The following URI1 variants were observed in gnomAD, a reference collection of about 807,000 sequenced individuals.
URI1 encodes the protein URI1 prefoldin like chaperone.
A neutral mutation model predicts 60.2 loss-of-function variants in URI1; 39 were observed. The observed-to-expected ratio is 0.65, with a 90% confidence interval of 0.50 to 0.85. The LOEUF (loss-of-function observed/expected upper bound fraction) is 0.85, where lower values mean the gene tolerates loss of function less well. Among genes scored for constraint, URI1 ranks in the 40% least tolerant of loss-of-function variants. URI1 has a pLI of 0.00. For synonymous variants in URI1, 251 were observed against 236.8 expected (o/e 1.06, Z -0.55); for missense variants, 691 against 665.9 (o/e 1.04, Z -0.42).
At chr19:29,937,820 A>G (rs1490109800), upstream of URI1, 1 of 152,168 alleles carries the variant, frequency 6.6e-6, no homozygotes, top group African/African-American at 2.4e-5. Flanking sequence ...GACAAGGGTC[A>G]TCTTGCCCAC....
intron 4 of URI1, among the ~76,000 whole-genome samples, chr19:29,992,241 T>C (rs551443083): frequency 6.6e-6 from 1 of 152,290 alleles, no homozygotes; most frequent in East Asian, 1.9e-4. Flanking sequence ...AGCTAATCTT[T>C]GTATTTTTTA....
intron 2 of URI1, among the ~76,000 whole-genome samples, chr19:29,977,158 G>A (rs1262313489): frequency 6.6e-6 from 1 of 150,698 alleles, no homozygotes; most frequent in Admixed American, 6.6e-5. Flanking sequence ...TCCTGTTGGA[G>A]CTACTCTTTC....
In URI1 at chr19:29,942,476, A is replaced by G. The variant is rs960332713; in HGVS notation, c.-72A>G. 8 of 1,084,722 alleles carry G rather than the reference A, an allele frequency of 7.4e-6. No homozygotes were observed. The African/African-American group carries it at 1.2e-4, about 16-fold the overall frequency. 67.2% of individuals were successfully genotyped at this position (1,084,722 alleles called of 1,614,324 possible). On this transcript the variant is annotated 5_prime_UTR_variant, in exon 1 of 11. Coordinates refer to ENST00000392271, the MANE Select transcript of URI1 (RefSeq NM_003796.3). ...AGGGCGGGCGCGCGGGCGCTGGGCAACTGCCGGCCGCGCCGCCTGCGCAGG... is the reference window on the plus strand; with the variant it reads ...AGGGCGGGCGCGCGGGCGCTGGGCAGCTGCCGGCCGCGCCGCCTGCGCAGG...
chr19:29,998,888 C>T (rs1375403572), intron 4 of URI1, among the ~76,000 whole-genome samples: 1 of 151,642 alleles, frequency 6.6e-6, no homozygotes, highest in Non-Finnish European at 1.5e-5. Context: ...TGACTCATTT[C>T]TATATTACTG....
intron 1 of URI1, among the ~76,000 whole-genome samples, chr19:29,951,765 C>T (rs926924982): frequency 6.6e-6 from 1 of 152,156 alleles, no homozygotes; most frequent in Non-Finnish European, 1.5e-5. Flanking sequence ...CCAGGCTGGT[C>T]TCGATCTCCT....
chr19:29,974,178 A>G (rs1363439301), intron 2 of URI1, among the ~76,000 whole-genome samples: 1 of 152,156 alleles, frequency 6.6e-6, no homozygotes, highest in Admixed American at 6.5e-5. Flanking sequence ...TGATGATACT[A>G]CTTAACTCAC....
At chr19:29,989,952 G>A (rs1218746800) in intron 4 of URI1, among the ~76,000 whole-genome samples, 1 of 151,736 alleles carries the variant, frequency 6.6e-6, no homozygotes, top group Non-Finnish European at 1.5e-5. Flanking sequence ...ATCTAAGAAC[G>A]CTTTACCTAA....
At chr19:29,995,003 A>T (rs576569614) in intron 4 of URI1, among the ~76,000 whole-genome samples, 9 of 152,074 alleles carry the variant, frequency 5.9e-5, no homozygotes, top group Middle Eastern at 3.4e-3. Context: ...GCTGATCTTG[A>T]ACTCCTGACC....
At chr19:29,931,790 AT>A (rs1364847245) in intron 1 of URI1, among the ~76,000 whole-genome samples, 3 of 151,834 alleles carry the variant, frequency 2.0e-5, no homozygotes, top group Admixed American at 2.0e-4. Context: ...TGTTTTCTCA[AT>A]TTTCTTTTCA....
chr19:29,940,813 C>T (rs1355317294), upstream of URI1, among the ~76,000 whole-genome samples: 6 of 152,006 alleles, frequency 3.9e-5, no homozygotes, highest in South Asian at 4.1e-4. Context: ...AGCCCCTAAA[C>T]GAGGGGAAGT....
At chr19:29,998,326 A>G (rs1232392772) in intron 4 of URI1, among the ~76,000 whole-genome samples, 10 of 151,984 alleles carry the variant, frequency 6.6e-5, no homozygotes, top group Admixed American at 2.0e-4. Flanking sequence ...GGAGGTTTCT[A>G]TATATGTCTA....
chr19:29,986,413 A>ATTTTC lies in URI1; in HGVS notation c.363_364insTTTTC (p.Glu122PhefsTer5), dbSNP rs2055671342. ...CTGTAGGTTTAGTTGAGCACCGGAA[A>ATTTTC]GAACGTAGGTACCCATTTTAAATGA... On this transcript the variant is annotated frameshift_variant, in exon 4 of 11. Coordinates refer to ENST00000392271, the MANE Select transcript of URI1 (RefSeq NM_003796.3). LOFTEE classifies it high-confidence loss of function. The ATTTTC allele has an allele frequency of 1.2e-6, 2 of 1,606,268 alleles. No homozygotes were observed. Among genetic ancestry groups the ATTTTC allele is most frequent in the Admixed American group, 1.8e-5 (1 of 56,930 alleles).
chr19:29,980,310 A>G (rs1340604032), intron 2 of URI1: 1 of 152,110 alleles, frequency 6.6e-6, no homozygotes, highest in African/African-American at 2.4e-5. Flanking sequence ...TGCTCAGTAA[A>G]TGGTGGATTC....
chr19:29,997,656 C>CT (rs1051921229), intron 4 of URI1, among the ~76,000 whole-genome samples: 8 of 150,530 alleles, frequency 5.3e-5, no homozygotes, highest in East Asian at 3.9e-4. Flanking sequence ...TGAAGTATTT[C>CT]TTTTTTTTTG....
intron 4 of URI1, among the ~76,000 whole-genome samples, chr19:30,005,074 A>G (rs138193625): frequency 4.6e-5 from 7 of 152,166 alleles, no homozygotes; most frequent in Non-Finnish European, 7.4e-5. Context: ...TATTTATCCT[A>G]TAGAAACCTG....
At chr19:29,991,767 G>C (rs975055891) in intron 4 of URI1, among the ~76,000 whole-genome samples, 3 of 152,100 alleles carry the variant, frequency 2.0e-5, no homozygotes, top group Admixed American at 2.0e-4. Flanking sequence ...CTCCCTATAA[G>C]TTTAGGGAAC....
intron 4 of URI1, among the ~76,000 whole-genome samples, chr19:30,000,591 T>G (rs567362447): frequency 6.6e-6 from 1 of 152,072 alleles, no homozygotes; most frequent in South Asian, 2.1e-4. Flanking sequence ...GATACATTAT[T>G]CTGTTACCTC....
intron 4 of URI1, among the ~76,000 whole-genome samples, chr19:29,994,329 C>T (rs79990790): frequency 0.031 from 4,705 of 151,940 alleles, 96 homozygotes; most frequent in Non-Finnish European, 0.046. Context: ...CCCTTCCCCT[C>T]ATTCACATGG....
intron 2 of URI1, among the ~76,000 whole-genome samples, chr19:29,982,815 T>A (rs1283080237): frequency 6.6e-6 from 1 of 152,176 alleles, no homozygotes; most frequent in Non-Finnish European, 1.5e-5. Context: ...ATGAAAAAAA[T>A]GAGTTTTGAG....
Sources: gnomAD v4.1 joint callset for allele counts (sites outside exome capture counted in the v4.1 genomes callset) on GRCh38, gnomAD v4.1.1 for gene constraint, MANE v1.5 for transcripts, NCBI Gene and HGNC (gene_info 2026-07-23, HGNC 2026-07-21) for gene names.